TTC28: variants seen among roughly 807,000 people sequenced by gnomAD.
The protein encoded by TTC28 is tetratricopeptide repeat domain 28, also known as tetratricopeptide repeat protein 28.
In TTC28, 61 loss-of-function variants were observed where a neutral mutation model predicts 198.0. The observed-to-expected ratio is 0.31, with a 90% CI of 0.25 to 0.38. The LOEUF is 0.38. Among genes scored for constraint, TTC28 ranks in the 10% least tolerant of loss-of-function variants. The pLI, the probability that TTC28 is intolerant of heterozygous loss-of-function variation, is 1.00. For missense variants in TTC28, 2,678 were observed against 3,164.0 expected (o/e 0.85, Z 3.69); for synonymous variants, 1,171 against 1,297.8 (o/e 0.90, Z 2.10).
chr22:28,152,557 A>C (rs965491209), intron 6 of TTC28, among the ~76,000 whole-genome samples: 2 of 152,150 alleles, frequency 1.3e-5, no homozygotes, highest in Non-Finnish European at 2.9e-5. Context: ...TCACTAAAAT[A>C]GAATAATAAT....
At chr22:28,351,572 A>T (rs1370371756) in intron 2 of TTC28, among the ~76,000 whole-genome samples, 2 of 152,144 alleles carry the variant, frequency 1.3e-5, no homozygotes, top group Non-Finnish European at 2.9e-5. Flanking sequence ...CAAATACTAC[A>T]TGCTGAATAA....
chr22:28,455,176 T>C (rs542265570), intron 2 of TTC28, among the ~76,000 whole-genome samples: 57 of 152,296 alleles, frequency 3.7e-4, no homozygotes, highest in Non-Finnish European at 6.5e-4. Context: ...TCACTGGCAG[T>C]GTTCTGGGTA....
At chr22:28,510,433 A>C (rs1161065760) in intron 2 of TTC28, among the ~76,000 whole-genome samples, 1 of 152,224 alleles carries the variant, frequency 6.6e-6, no homozygotes, top group Admixed American at 6.5e-5. Flanking sequence ...GATTATCTCA[A>C]TAGATGCAGA....
chr22:28,146,052 G>A (rs1010123570), intron 6 of TTC28, among the ~76,000 whole-genome samples: 1 of 152,136 alleles, frequency 6.6e-6, no homozygotes, highest in African/African-American at 2.4e-5. Context: ...CTCACAGAAT[G>A]CTACATGTAG....
intron 2 of TTC28, among the ~76,000 whole-genome samples, chr22:28,590,034 CAAAAA>C (rs71194779): frequency 8.8e-5 from 6 of 68,054 alleles, no homozygotes; most frequent in East Asian, 4.7e-4. Flanking sequence ...AAGACTCCAT[CAAAAA>C]AAAAAAAAAA....
chr22:28,060,853 C>G (rs1323303034), intron 12 of TTC28, among the ~76,000 whole-genome samples: 2 of 152,170 alleles, frequency 1.3e-5, no homozygotes, highest in East Asian at 3.8e-4. Flanking sequence ...AAAAGTGTTC[C>G]TATTTCTCCA....
At chr22:28,663,006 T>C (rs2051772733) in intron 1 of TTC28, among the ~76,000 whole-genome samples, 2 of 152,004 alleles carry the variant, frequency 1.3e-5, no homozygotes, top group South Asian at 2.1e-4. Context: ...CCCAGTACTT[T>C]GGGAGGCTGA....
rs139075172 is a variant in TTC28 at position 28,619,211 on chromosome 22, C to T, written c.381+10341G>A. Among the ~76,000 whole-genome samples, 910 of 152,208 alleles carry T rather than the reference C, an allele frequency of 6.0e-3. 6 individuals are homozygous for T. Among genetic ancestry groups the T allele is most frequent in the Non-Finnish European group, 9.9e-3 (672 of 68,008 alleles). On this transcript the variant is annotated intron_variant, in intron 2 of 22. Transcript: ENST00000397906. ...ATCATGATGATCATCACATTAATAA[C>T]CATGATGTATTAAATAACTTGTATA...
chr22:28,045,443 C>T (rs1939824188), intron 12 of TTC28, among the ~76,000 whole-genome samples: 1 of 152,270 alleles, frequency 6.6e-6, no homozygotes, highest in Admixed American at 6.5e-5. Flanking sequence ...TTCTGGACAT[C>T]ACCTATGGCA....
chr22:27,989,843 C>T, intron 21 of TTC28, 35 bp downstream of exon 21: 3 of 1,532,510 alleles, frequency 2.0e-6, no homozygotes, highest in Non-Finnish European at 2.6e-6. Flanking sequence ...AGATGGAATT[C>T]AAGAACCCAT....
intron 2 of TTC28, among the ~76,000 whole-genome samples, chr22:28,481,111 TA>T (rs2048241433): frequency 6.6e-6 from 1 of 152,230 alleles, no homozygotes; most frequent in African/African-American, 2.4e-5. Flanking sequence ...TATATTGCAT[TA>T]CATATTTAAA....
At chr22:28,189,904 T>C (rs1041315886) in intron 5 of TTC28, among the ~76,000 whole-genome samples, 7 of 152,218 alleles carry the variant, frequency 4.6e-5, no homozygotes, top group African/African-American at 1.7e-4. Context: ...GTCAATTAAC[T>C]GAGTGTAGCA....
At chr22:28,264,284 G>A (rs1173273663) in intron 5 of TTC28, among the ~76,000 whole-genome samples, 1 of 152,108 alleles carries the variant, frequency 6.6e-6, no homozygotes, top group African/African-American at 2.4e-5. Flanking sequence ...TGTAAGACAT[G>A]CCCTTGCTCC....
rs2051705866 is a variant in TTC28 at position 28,659,271 on chromosome 22, AAATT to A, written c.102+20347_102+20350del. 2.0e-5 allele frequency among the ~76,000 whole-genome samples: 3 copies of A among 152,168 alleles called. No homozygotes were observed. The South Asian group carries it at 6.2e-4, about 31-fold the overall frequency. Reference sequence around the variant, plus strand: ...TCTTACAAGGGTAAGAAACGGACTCAAATTAATTTTTTTTTGAGACAGAGTCTTG... The same window carrying A: ...TCTTACAAGGGTAAGAAACGGACTCAAATTTTTTTTTGAGACAGAGTCTTG... On this transcript the variant is annotated intron_variant, in intron 1 of 22. Transcript: ENST00000397906.
intron 6 of TTC28, among the ~76,000 whole-genome samples, chr22:28,125,257 T>A (rs1326965666): frequency 6.6e-6 from 1 of 152,204 alleles, no homozygotes; most frequent in Non-Finnish European, 1.5e-5. Flanking sequence ...CTTAGCTCCT[T>A]AGGATCAGGT....
At chr22:28,650,475 A>G (rs1209824765) in intron 1 of TTC28, among the ~76,000 whole-genome samples, 1 of 152,144 alleles carries the variant, frequency 6.6e-6, no homozygotes, top group Non-Finnish European at 1.5e-5. Flanking sequence ...GTCTTTCACA[A>G]TTTTTTCTGA....
intron 1 of TTC28, among the ~76,000 whole-genome samples, chr22:28,642,077 A>G (rs1291458620): frequency 6.6e-6 from 1 of 152,160 alleles, no homozygotes; most frequent in Non-Finnish European, 1.5e-5. Flanking sequence ...TTTCTAGCAG[A>G]ATCTGTTAAG....
intron 2 of TTC28, among the ~76,000 whole-genome samples, chr22:28,434,614 A>G (rs946564133): frequency 6.6e-6 from 1 of 152,200 alleles, no homozygotes; most frequent in African/African-American, 2.4e-5. Flanking sequence ...TGTATCCACC[A>G]TCACTCACTG....
chr22:28,336,187 GC>G (rs1268097451), intron 2 of TTC28, among the ~76,000 whole-genome samples: 1 of 152,200 alleles, frequency 6.6e-6, no homozygotes, highest in Non-Finnish European at 1.5e-5. Context: ...CAGGGATGAA[GC>G]CTGCTTGATC....
Sources: allele counts gnomAD v4.1 joint callset (sites outside exome capture counted in the v4.1 genomes callset), GRCh38; gene constraint gnomAD v4.1.1; transcripts MANE v1.5; gene names NCBI Gene and HGNC (gene_info 2026-07-23, HGNC 2026-07-21).